Variants in POLE2 observed in about 807,000 individuals in gnomAD.
POLE2 encodes the protein DNA polymerase epsilon subunit 2.
A neutral mutation model predicts 79.4 loss-of-function variants in POLE2; 56 were observed. The observed-to-expected ratio is 0.71, with a 90% CI of 0.57 to 0.88. POLE2 has a LOEUF of 0.88. Ranked by LOEUF, POLE2 falls within the 40% of genes least tolerant of loss-of-function variation. The probability of loss-of-function intolerance (pLI) is 0.00; values close to 1 mark genes in which losing one functional copy is unlikely to be tolerated. For synonymous variants in POLE2, 212 were observed against 214.0 expected (o/e 0.99, Z 0.08); for missense variants, 598 against 638.9 (o/e 0.94, Z 0.69).
chr14:49,664,008 G>A (rs1413998195), intron 9 of POLE2, among the ~76,000 whole-genome samples: 1 of 149,682 alleles, frequency 6.7e-6, no homozygotes, highest in African/African-American at 2.5e-5. Context: ...TTGCACTCCA[G>A]CCTGGGTGAC....
At chr14:49,669,780 A>C (rs1380787947) in intron 5 of POLE2, among the ~76,000 whole-genome samples, 182 bp from the exon 6 acceptor site, 2 of 152,228 alleles carry the variant, frequency 1.3e-5, no homozygotes, top group Non-Finnish European at 2.9e-5. Flanking sequence ...TTAAAATTTA[A>C]GACAAAAAAA....
At chr14:49,645,882 T>C (rs1883723943) in intron 18 of POLE2, among the ~76,000 whole-genome samples, 1 of 152,222 alleles carries the variant, frequency 6.6e-6, no homozygotes. Flanking sequence ...TCTGCCTGCC[T>C]TGGCCTCCCA....
At position 49,653,916 on chromosome 14, in the gene POLE2, C is replaced by T. The variant is rs1884461965; in HGVS notation, c.1211+74G>A. The T allele has an allele frequency of 4.7e-6, 4 of 849,462 alleles. No individual in the cohort carries two copies. The South Asian group carries it at 6.4e-5, about 14-fold the overall frequency. The allele number at this position is 849,462 out of a possible 1,614,324, so 52.6% of individuals were successfully genotyped here. ...TCGGCCTCCCAAAGTGCTGAGATTA[C>T]AGACATGAGCCACCACACCTGGCTA... On this transcript the variant is annotated intron_variant, in intron 15 of 18. Transcript: ENST00000216367.
chr14:49,659,348 G>A (rs1884937245), intron 10 of POLE2, among the ~76,000 whole-genome samples: 1 of 151,904 alleles, frequency 6.6e-6, no homozygotes, highest in Non-Finnish European at 1.5e-5. Context: ...AGGTTGCAGT[G>A]AGCTATAATC....
chr14:49,664,925 C>A (rs964688178), intron 8 of POLE2, among the ~76,000 whole-genome samples, 182 bp downstream of exon 8: 1 of 152,094 alleles, frequency 6.6e-6, no homozygotes, highest in African/African-American at 2.4e-5. Flanking sequence ...TCTAGATTCT[C>A]CAAATAAGAG....
intron 6 of POLE2, among the ~76,000 whole-genome samples, chr14:49,668,211 A>C (rs1348052743): frequency 6.6e-6 from 1 of 152,176 alleles, no homozygotes; most frequent in African/African-American, 2.4e-5. Context: ...CGGAGGTTGC[A>C]GTGAGCCAAG....
At chr14:49,662,225 G>A (rs1033247415) in intron 10 of POLE2, among the ~76,000 whole-genome samples, 3 of 152,118 alleles carry the variant, frequency 2.0e-5, no homozygotes, top group Non-Finnish European at 4.4e-5. Context: ...TGCACAGGCC[G>A]CCCTGCCAGT....
chr14:49,681,248 G>C (rs1886681931), intron 2 of POLE2: 1 of 207,742 alleles, frequency 4.8e-6, no homozygotes, highest in South Asian at 9.1e-5. Context: ...TTAACAAAAA[G>C]GTCCCTGAAT....
At chr14:49,673,164 T>C (rs1409031614) in intron 5 of POLE2, among the ~76,000 whole-genome samples, 1 of 152,120 alleles carries the variant, frequency 6.6e-6, no homozygotes, top group Non-Finnish European at 1.5e-5. Flanking sequence ...TCTACACCCC[T>C]TGCCACTTCC....
intron 15 of POLE2, among the ~76,000 whole-genome samples, chr14:49,652,156 A>G (rs1884295493): frequency 1.6e-5 from 1 of 64,444 alleles, no homozygotes. Context: ...CTGCGTTAAG[A>G]ATAGAATACG....
At chr14:49,655,987 T>C in intron 10 of POLE2, 144 bp from the exon 11 acceptor site, 1 of 543,216 alleles carries the variant, frequency 1.8e-6, no homozygotes, top group Non-Finnish European at 3.2e-6. Flanking sequence ...AGTACAAAGG[T>C]TATCTAAATA....
intron 16 of POLE2, among the ~76,000 whole-genome samples, 161 bp downstream of exon 16, chr14:49,651,108 T>G (rs1483555083): frequency 1.3e-5 from 2 of 152,226 alleles, no homozygotes; most frequent in Non-Finnish European, 2.9e-5. Flanking sequence ...TGAGAAACAC[T>G]GACTTCACTA....
At chr14:49,652,859 C>G (rs541868330) in intron 15 of POLE2, among the ~76,000 whole-genome samples, 14 of 152,046 alleles carry the variant, frequency 9.2e-5, no homozygotes, top group Admixed American at 3.9e-4. Flanking sequence ...ACCCCCACCC[C>G]CCCTGGCGTC....
chr14:49,667,058 G>A (rs996206810), intron 6 of POLE2, among the ~76,000 whole-genome samples: 1 of 151,898 alleles, frequency 6.6e-6, no homozygotes, highest in African/African-American at 2.4e-5. Context: ...CATGGTGGCA[G>A]GCGCCTGTAG....
chr14:49,686,361 G>A (rs1421689350), intron 1 of POLE2, among the ~76,000 whole-genome samples: 2 of 152,122 alleles, frequency 1.3e-5, no homozygotes, highest in African/African-American at 4.8e-5. Flanking sequence ...AGCCATGTTG[G>A]GGGCACACAT....
At chr14:49,656,286 G>A (rs768667649) in intron 10 of POLE2, among the ~76,000 whole-genome samples, 1 of 151,600 alleles carries the variant, frequency 6.6e-6, no homozygotes, top group Non-Finnish European at 1.5e-5. Context: ...ACCCCGGGGG[G>A]CGGAGCCTGC....
chr14:49,664,290 A>G (rs947359839), intron 9 of POLE2, among the ~76,000 whole-genome samples: 5 of 149,926 alleles, frequency 3.3e-5, no homozygotes, highest in Admixed American at 2.7e-4. Flanking sequence ...CGGAGGTTGC[A>G]GTGAGCCGAG....
intron 6 of POLE2, among the ~76,000 whole-genome samples, chr14:49,667,794 A>T (rs556881765): frequency 6.6e-6 from 1 of 152,312 alleles, no homozygotes; most frequent in South Asian, 2.1e-4. Context: ...TCATATTTAT[A>T]GAAATTACCA....
intron 7 of POLE2, among the ~76,000 whole-genome samples, chr14:49,665,871 G>A (rs746788727): frequency 1.3e-5 from 2 of 151,990 alleles, no homozygotes; most frequent in Non-Finnish European, 2.9e-5. Context: ...TTGTTGCCCA[G>A]GCTACAGTGC....
Sources: allele counts gnomAD v4.1 joint callset (sites outside exome capture counted in the v4.1 genomes callset), GRCh38; gene constraint gnomAD v4.1.1; transcripts MANE v1.5; gene names NCBI Gene and HGNC (gene_info 2026-07-23, HGNC 2026-07-21).